The following NWD1 variants were observed in gnomAD, a reference collection of about 807,000 sequenced individuals.
NWD1 encodes the protein NACHT domain- and WD repeat-containing protein 1.
In NWD1, 129 loss-of-function variants were observed where a neutral mutation model predicts 135.1. The observed-to-expected ratio is 0.96, with a 90% CI of 0.83 to 1.11. The LOEUF is 1.11. Ranked by LOEUF, NWD1 falls within the 50% of genes least tolerant of loss-of-function variation. The probability of loss-of-function intolerance (pLI) is 0.00; values close to 1 mark genes in which losing one functional copy is unlikely to be tolerated. For missense variants in NWD1, 1,740 were observed against 1,851.3 expected, an observed-to-expected ratio of 0.94 and a Z score of 1.10; for synonymous variants, 773 against 786.0, an observed-to-expected ratio of 0.98 and a Z score of 0.28.
intron 17 of NWD1, among the ~76,000 whole-genome samples, chr19:16,805,072 T>G (rs1970711448): frequency 6.6e-6 from 1 of 151,992 alleles, no homozygotes; most frequent in Non-Finnish European, 1.5e-5. Flanking sequence ...GTTGTTCTTT[T>G]GTTTGAGATG....
chr19:16,774,135 A>G (rs1969515269), intron 11 of NWD1, among the ~76,000 whole-genome samples: 1 of 141,266 alleles, frequency 7.1e-6, no homozygotes, highest in South Asian at 2.3e-4. Context: ...CCTTCCATCC[A>G]TCTACTGCCC....
intron 1 of NWD1, among the ~76,000 whole-genome samples, chr19:16,722,855 T>C (rs751634485): frequency 7.5e-4 from 114 of 152,074 alleles, no homozygotes; most frequent in Non-Finnish European, 1.5e-3. Flanking sequence ...CAATCATGTC[T>C]ACGTGACCAA....
At chr19:16,767,348 C>T (rs1190515821) in intron 10 of NWD1, among the ~76,000 whole-genome samples, 2 of 151,988 alleles carry the variant, frequency 1.3e-5, no homozygotes, top group Admixed American at 6.6e-5. Context: ...GGTGTGGTGG[C>T]TCACGCCTAT....
intron 4 of NWD1, among the ~76,000 whole-genome samples, chr19:16,739,790 G>T (rs1233688803): frequency 3.3e-5 from 5 of 152,142 alleles, no homozygotes; most frequent in Non-Finnish European, 1.5e-5. Context: ...CTGTCTCTTG[G>T]GCTATCAGCA....
chr19:16,805,009 A>T (rs1160061785), intron 17 of NWD1, among the ~76,000 whole-genome samples: 2 of 151,218 alleles, frequency 1.3e-5, no homozygotes, highest in African/African-American at 2.4e-5. Flanking sequence ...TAAAATTTTT[A>T]AAAATATTTA....
At chr19:16,739,246 C>T (rs1473760609) in intron 4 of NWD1, among the ~76,000 whole-genome samples, 6 of 142,552 alleles carry the variant, frequency 4.2e-5, no homozygotes, top group Non-Finnish European at 9.0e-5. Flanking sequence ...TAATCCCGCA[C>T]TTCAGGAGGC....
At chr19:16,795,846 G>A (rs527633033) in intron 15 of NWD1, among the ~76,000 whole-genome samples, 175 of 152,202 alleles carry the variant, frequency 1.1e-3, no homozygotes, top group Non-Finnish European at 1.8e-3. Context: ...CTTCTATTGC[G>A]TGGAGCAGCT....
At chr19:16,764,360 T>TGTCC (rs1382971747) in intron 9 of NWD1, among the ~76,000 whole-genome samples, 4,093 of 99,456 alleles carry the variant, frequency 0.041, 195 homozygotes, top group African/African-American at 0.16. Context: ...ACCCATCTTC[T>TGTCC]GTCCATCCAT....
intron 8 of NWD1, 150 bp downstream of exon 8, chr19:16,762,288 C>T (rs1002978475): frequency 3.2e-6 from 2 of 622,122 alleles, no homozygotes; most frequent in Admixed American, 3.1e-5. Flanking sequence ...TCTACTGTCC[C>T]CCCCACTCCT....
Position 16,759,256 on chromosome 19 carries a change from GT to G in NWD1, c.1805del (p.Leu602CysfsTer105). ...HGLSEAELKDVLSLDDEVLQD... is the reference protein window; with the variant it reads ...HGLSEAELKDXLSLDDEVLQD... ...TCTCTCGGAGGCGGAGCTGAAGGATGTTTTGTCCCTGGACGACGAGGTCCTG... is the reference window on the plus strand; with the variant it reads ...TCTCTCGGAGGCGGAGCTGAAGGATGTTTGTCCCTGGACGACGAGGTCCTG... On this transcript the variant is annotated frameshift_variant, in exon 7 of 19. Transcript: ENST00000524140. LOFTEE classifies it high-confidence loss of function. 6.2e-7 allele frequency: 1 copy of G among 1,614,170 alleles called. No individual in the cohort carries two copies. The highest frequency in any genetic ancestry group is 1.6e-4 in the Middle Eastern group (1 of 6,062).
intron 5 of NWD1, among the ~76,000 whole-genome samples, chr19:16,747,814 C>T (rs1055157219): frequency 6.6e-6 from 1 of 152,184 alleles, no homozygotes; most frequent in Non-Finnish European, 1.5e-5. Context: ...TGGAATCTCA[C>T]ACTACATGGC....
chr19:16,749,459 G>T lies in NWD1; in HGVS notation c.817G>T (p.Ala273Ser). ...KELGEQFVVR[A>S]NHQVLTRLRE... ...GCTGGGTGAGCAGTTTGTGGTGAGG[G>T]CCAATCACCAGGTCCTCACACGCCT... The change falls in exon 6 of 19, where the codon GCC becomes TCC. Residue 273 changes from alanine (A) to serine (S), a missense_variant. Ala to Ser is a moderately conservative substitution (Grantham distance 99). Transcript: ENST00000524140. 1 of 1,612,868 alleles carries T rather than the reference G, an allele frequency of 6.2e-7. No homozygotes were observed.
chr19:16,768,045 G>T (rs562727576), intron 10 of NWD1, among the ~76,000 whole-genome samples: 2 of 134,504 alleles, frequency 1.5e-5, no homozygotes, highest in African/African-American at 5.7e-5. Context: ...AGGCTGGAGT[G>T]CAGTGGCACG....
chr19:16,731,556 C>G (rs77771742), intron 3 of NWD1, among the ~76,000 whole-genome samples: 2 of 150,164 alleles, frequency 1.3e-5, no homozygotes, highest in African/African-American at 4.9e-5. Context: ...CTGCCCGCCT[C>G]GGCCTCCCAA....
intron 5 of NWD1, 168 bp downstream of exon 5, chr19:16,744,886 T>C (rs147743532): frequency 1.5e-6 from 1 of 670,394 alleles, no homozygotes; most frequent in African/African-American, 1.8e-5. Flanking sequence ...TGATCCAAGA[T>C]AGTTCAGCCA....
At chr19:16,779,260 T>TG (rs1256082553) in intron 11 of NWD1, 83 bp from the exon 12 acceptor site, 8 of 1,486,880 alleles carry the variant, frequency 5.4e-6, no homozygotes, top group Middle Eastern at 4.6e-4. Flanking sequence ...ATCTGTGAAG[T>TG]GGGGGGCTCA....
rs143565675 is a variant in NWD1, at chr19:16,750,245, C to T, written c.1603C>T (p.Arg535Trp). ...CCTCCCAGAGTGTGGGAACCCAGGGCGGCTGAGGCTGGCGTTTGAGGAAGC... is the reference window on the plus strand; with the variant it reads ...CCTCCCAGAGTGTGGGAACCCAGGGTGGCTGAGGCTGGCGTTTGAGGAAGC... The part of the protein sequence containing the change: ...ASLPECGNPG[R>W]LRLAFEEARK... Residue 535 changes from arginine (R) to tryptophan (W), a missense_variant, in exon 6 of 19, where the codon CGG becomes TGG. Coordinates refer to ENST00000524140, the MANE Select transcript of NWD1 (RefSeq NM_001007525.5). 1.1e-4 allele frequency: 183 copies of T among 1,613,520 alleles called. No homozygotes were observed. The highest frequency in any genetic ancestry group is 6.4e-4 in the African/African-American group (48 of 75,008).
chr19:16,802,239 C>G lies in NWD1; in HGVS notation c.3736+2077C>G, dbSNP rs1970623329. Reference sequence around the variant, plus strand: ...AGAGGTTGCATTGAGCACCATTGCACTCCAGCCTGGGTGACAGAGCAAGAC... The same window carrying G: ...AGAGGTTGCATTGAGCACCATTGCAGTCCAGCCTGGGTGACAGAGCAAGAC... On this transcript the variant is annotated intron_variant, in intron 17 of 18. Coordinates refer to ENST00000524140, the MANE Select transcript of NWD1 (RefSeq NM_001007525.5). Among the ~76,000 whole-genome samples the G allele has an allele frequency of 2.0e-5, 3 of 151,166 alleles. No homozygotes were observed. The South Asian group carries it at 6.3e-4, about 32-fold the overall frequency.
intron 4 of NWD1, among the ~76,000 whole-genome samples, chr19:16,743,985 T>C (rs1450582219): frequency 5.3e-5 from 8 of 152,070 alleles, no homozygotes; most frequent in Non-Finnish European, 1.5e-5. Flanking sequence ...GCCTGGCCGA[T>C]ATACATTTAT....
Sources: allele counts gnomAD v4.1 joint callset (sites outside exome capture counted in the v4.1 genomes callset), GRCh38; gene constraint gnomAD v4.1.1; transcripts MANE v1.5; gene names NCBI Gene and HGNC (gene_info 2026-07-23, HGNC 2026-07-21).